Variants in GPHN observed in about 807,000 individuals in gnomAD.
GPHN encodes the protein gephyrin.
A neutral mutation model predicts 95.5 loss-of-function variants in GPHN; 17 were observed. That is an observed-to-expected ratio of 0.18 (90% CI 0.12 to 0.27). GPHN has a LOEUF of 0.27. GPHN is among the 10% of genes least tolerant of loss of function. GPHN has a pLI of 1.00. For missense variants in GPHN, 660 were observed against 978.1 expected, an observed-to-expected ratio of 0.67 and a Z score of 4.34; for synonymous variants, 320 against 322.5, an observed-to-expected ratio of 0.99 and a Z score of 0.08.
At chr14:67,378,315 T>C in the GPHN span, among the ~76,000 whole-genome samples, 1 of 98,442 alleles carries the variant, frequency 1.0e-5, no homozygotes, top group African/African-American at 5.1e-5. Context: ...CTCATGTGAC[T>C]TTTTTTTTTT....
chr14:66,777,520 A>T (rs1212420477), intron 3 of GPHN, among the ~76,000 whole-genome samples: 3 of 152,142 alleles, frequency 2.0e-5, no homozygotes, highest in Admixed American at 1.3e-4. Context: ...GACACAACCA[A>T]AAAAGAGAAT....
intron 1 of GPHN, among the ~76,000 whole-genome samples, chr14:66,629,151 A>ATT (rs2063655499): frequency 3.4e-5 from 4 of 117,754 alleles, no homozygotes; most frequent in Non-Finnish European, 6.8e-5. Flanking sequence ...TTATATACAT[A>ATT]TATAAATATG....
At chr14:67,508,753 C>CAAAAAAAAAAAAAAAAAAAAAA in the GPHN span, among the ~76,000 whole-genome samples, 148 of 46,550 alleles carry the variant, frequency 3.2e-3, 10 homozygotes, top group Non-Finnish European at 4.5e-3. Context: ...AACCTTGTCT[C>CAAAAAAAAAAAAAAAAAAAAAA]AAAAAAAAAA....
intron 3 of GPHN, among the ~76,000 whole-genome samples, chr14:66,815,360 A>T (rs2153485925): frequency 6.6e-6 from 1 of 152,290 alleles, no homozygotes; most frequent in Admixed American, 6.5e-5. Context: ...CCAAAACGTA[A>T]TCATCAGATT....
At chr14:67,366,292 C>T in the GPHN span, among the ~76,000 whole-genome samples, 173 of 152,102 alleles carry the variant, frequency 1.1e-3, no homozygotes, top group Non-Finnish European at 1.5e-3. Context: ...CCAGGCTAGT[C>T]TTGAACTGGG....
At chr14:67,066,062 C>CAGT (rs1567282991) in intron 11 of GPHN, among the ~76,000 whole-genome samples, 2 of 152,160 alleles carry the variant, frequency 1.3e-5, no homozygotes, top group Non-Finnish European at 2.9e-5. Flanking sequence ...CAGGTTTTTG[C>CAGT]AGTGGCTGGT....
At chr14:66,896,125 T>C (rs1446969748) in intron 5 of GPHN, among the ~76,000 whole-genome samples, 1 of 152,084 alleles carries the variant, frequency 6.6e-6, no homozygotes, top group Non-Finnish European at 1.5e-5. Flanking sequence ...AGGACAGAGT[T>C]AATCACCTCC....
chr14:66,834,213 C>A (rs1419184775), intron 4 of GPHN, among the ~76,000 whole-genome samples: 1 of 152,058 alleles, frequency 6.6e-6, no homozygotes, highest in Non-Finnish European at 1.5e-5. Context: ...TCCTTAAGTC[C>A]ACTTACTTAT....
At chr14:67,531,661 T>C in the GPHN span, among the ~76,000 whole-genome samples, 1 of 149,950 alleles carries the variant, frequency 6.7e-6, no homozygotes, top group Admixed American at 6.7e-5. Context: ...ATCCCTGTAA[T>C]CCCAGCACTT....
the GPHN span, among the ~76,000 whole-genome samples, chr14:67,420,561 C>T: frequency 2.1e-4 from 32 of 152,222 alleles, no homozygotes; most frequent in Non-Finnish European, 4.1e-4. Flanking sequence ...CCTGGCACTT[C>T]TAAAGGCCCT....
chr14:67,557,296 C>T, the GPHN span: 390 of 1,613,736 alleles, frequency 2.4e-4, 3 homozygotes, highest in South Asian at 4.1e-3. Flanking sequence ...GAAGGTAAAA[C>T]TATCCAATCT....
chr14:67,376,716 T>G, the GPHN span: 1 of 937,374 alleles, frequency 1.1e-6, no homozygotes, highest in Non-Finnish European at 1.6e-6. Context: ...TATTGGCCAG[T>G]AAATGGGCCA....
In GPHN at chr14:67,100,891, G is replaced by GA; in HGVS notation, c.1275dup (p.Ser426IlefsTer5). The GA allele has an allele frequency of 6.2e-7, 1 of 1,606,218 alleles. No individual in the cohort carries two copies. Among genetic ancestry groups the GA allele is most frequent in the Non-Finnish European group, 8.5e-7 (1 of 1,172,754 alleles). On this transcript the variant is annotated frameshift_variant, in exon 13 of 23. Transcript: ENST00000478722. LOFTEE classifies it high-confidence loss of function. ...CCCAGGAGATCGTTTCATCATTGGGGAATCCCAAGCTGGTGAACAGGTGAG... is the reference window on the plus strand; with the variant it reads ...CCCAGGAGATCGTTTCATCATTGGGGAAATCCCAAGCTGGTGAACAGGTGAG...
chr14:66,591,357 C>T (rs962837116), intron 1 of GPHN, among the ~76,000 whole-genome samples: 17 of 152,098 alleles, frequency 1.1e-4, no homozygotes, highest in African/African-American at 2.6e-4. Context: ...GAATAGAAGA[C>T]GTCAGATTGT....
chr14:67,641,943 T>C, the GPHN span, among the ~76,000 whole-genome samples: 4 of 152,232 alleles, frequency 2.6e-5, no homozygotes, highest in Non-Finnish European at 4.4e-5. Flanking sequence ...GGTCTAATGG[T>C]TAACCATTTT....
At chr14:67,072,934 A>G (rs2076363736) in intron 11 of GPHN, among the ~76,000 whole-genome samples, 1 of 152,138 alleles carries the variant, frequency 6.6e-6, no homozygotes. Context: ...ATAAGCCACC[A>G]GTATTTCTTC....
rs535866559 is a variant in GPHN, at chr14:66,990,119, T to C, written c.963+24794T>C. On this transcript the variant is annotated intron_variant, in intron 9 of 22. Coordinates refer to ENST00000478722, the MANE Select transcript of GPHN (RefSeq NM_020806.5). ...TGAAGGGGAAACAAGGTACGTTGTA[T>C]ATGGCGGCAGGAGGGGAGAGAGCAC... is the stretch of plus-strand genomic sequence containing the variant. 3.9e-5 allele frequency among the ~76,000 whole-genome samples: 6 copies of C among 152,228 alleles called. No homozygotes were observed. The East Asian group carries it at 5.8e-4, about 15-fold the overall frequency.
At chr14:66,899,013 T>C (rs2065000265) in intron 5 of GPHN, among the ~76,000 whole-genome samples, 2 of 151,934 alleles carry the variant, frequency 1.3e-5, no homozygotes, top group Non-Finnish European at 2.9e-5. Context: ...GGTGTCCACC[T>C]CATGTTCATT....
chr14:67,683,360 T>A, the GPHN span, among the ~76,000 whole-genome samples: 2 of 152,108 alleles, frequency 1.3e-5, no homozygotes, highest in African/African-American at 4.8e-5. Flanking sequence ...ACTATATAAA[T>A]CTATCTTCTT....
Sources: gnomAD v4.1 joint callset for allele counts (sites outside exome capture counted in the v4.1 genomes callset) on GRCh38, gnomAD v4.1.1 for gene constraint, MANE v1.5 for transcripts, NCBI Gene and HGNC (gene_info 2026-07-23, HGNC 2026-07-21) for gene names.